The following ASCC3 variants were observed in gnomAD, a reference collection of about 807,000 sequenced individuals.
ASCC3 encodes the protein activating signal cointegrator 1 complex subunit 3, also known as ASC-1 complex subunit P200.
In ASCC3, 158 loss-of-function variants were observed where a neutral mutation model predicts 256.3. The observed-to-expected ratio is 0.62, with a 90% CI of 0.54 to 0.70. ASCC3 has a LOEUF of 0.70. Ranked by LOEUF, ASCC3 falls within the 30% of genes least tolerant of loss-of-function variation. ASCC3 has a pLI of 0.00. For synonymous variants in ASCC3, 948 were observed against 883.4 expected, an observed-to-expected ratio of 1.07 and a Z score of -1.30; for missense variants, 2,259 against 2,626.0, an observed-to-expected ratio of 0.86 and a Z score of 3.05.
chr6:100,877,278 A>C (rs1243455128), intron 1 of ASCC3, among the ~76,000 whole-genome samples: 4 of 152,184 alleles, frequency 2.6e-5, no homozygotes, highest in African/African-American at 9.6e-5. Flanking sequence ...CTGCAGATTA[A>C]GGGATAAAAA....
chr6:100,532,112 A>G (rs1415923554), intron 37 of ASCC3, among the ~76,000 whole-genome samples: 1 of 151,616 alleles, frequency 6.6e-6, no homozygotes, highest in East Asian at 1.9e-4. Context: ...TTTATAATAT[A>G]GGTACTGCTC....
rs201325406 is a variant in ASCC3, at chr6:100,864,032, T to TAA, written c.241+30_241+31dup. 4.3e-3 allele frequency: 5,063 copies of TAA among 1,186,862 alleles called. 1 individual carries two copies. The highest frequency in any genetic ancestry group is 0.018 in the East Asian group (656 of 36,446). The allele number at this position is 1,186,862 out of a possible 1,614,324, so 73.5% of individuals were successfully genotyped here. A position where few individuals can be genotyped will look rare whatever the true frequency, so the allele number is the denominator to read the frequency against. Reference sequence around the variant, plus strand: ...GTTTTTGAACCTTACTGGTTCTCTTTAAAAAAAAAAAAGAAAAAAAGAAAA... The same window carrying TAA: ...GTTTTTGAACCTTACTGGTTCTCTTTAAAAAAAAAAAAAAGAAAAAAAGAAAA... On this transcript the variant is annotated intron_variant, in intron 3 of 41. Coordinates refer to ENST00000369162, the MANE Select transcript of ASCC3 (RefSeq NM_006828.4).
intron 20 of ASCC3, among the ~76,000 whole-genome samples, chr6:100,647,723 G>GAA (rs1298196429): frequency 6.6e-6 from 1 of 152,140 alleles, no homozygotes; most frequent in African/African-American, 2.4e-5. Context: ...AAACAGGAAT[G>GAA]AAGTAGGAAG....
intron 8 of ASCC3, among the ~76,000 whole-genome samples, chr6:100,796,454 G>A (rs1409113423): frequency 6.6e-6 from 1 of 152,164 alleles, no homozygotes; most frequent in Non-Finnish European, 1.5e-5. Flanking sequence ...TTTGTATGCT[G>A]AAGCCCTTAC....
At chr6:100,852,632 T>A (rs557652538) in intron 3 of ASCC3, among the ~76,000 whole-genome samples, 2 of 152,318 alleles carry the variant, frequency 1.3e-5, no homozygotes, top group African/African-American at 4.8e-5. Context: ...CAAAGAGGAA[T>A]CAGGATTTTA....
At chr6:100,622,822 A>G (rs1356568368) in intron 30 of ASCC3, among the ~76,000 whole-genome samples, 1 of 152,062 alleles carries the variant, frequency 6.6e-6, no homozygotes, top group Non-Finnish European at 1.5e-5. Flanking sequence ...TAAAAAAAAT[A>G]TGAAACAGAG....
chr6:100,871,922 C>G (rs76642665), intron 1 of ASCC3, among the ~76,000 whole-genome samples: 2,932 of 152,276 alleles, frequency 0.019, 150 homozygotes, highest in East Asian at 0.16. Context: ...TGTATGTACA[C>G]TGTACATGTC....
intron 8 of ASCC3, among the ~76,000 whole-genome samples, chr6:100,785,237 G>C (rs1477363904): frequency 1.3e-5 from 2 of 152,100 alleles, no homozygotes; most frequent in African/African-American, 4.8e-5. Context: ...TAGATTTTGT[G>C]AAAATCAAGT....
At chr6:100,715,181 A>G (rs1582744761) in intron 13 of ASCC3, 1 of 257,138 alleles carries the variant, frequency 3.9e-6, no homozygotes, top group East Asian at 7.9e-5. Flanking sequence ...ATTACATTTC[A>G]ATTGATATTG....
intron 10 of ASCC3, among the ~76,000 whole-genome samples, chr6:100,734,372 A>T (rs757730509): frequency 6.6e-6 from 1 of 152,184 alleles, no homozygotes; most frequent in Non-Finnish European, 1.5e-5. Context: ...TCACAAGCAC[A>T]AAACCTGAAG....
At chr6:100,624,046 A>T (rs974795448) in intron 30 of ASCC3, among the ~76,000 whole-genome samples, 2 of 151,868 alleles carry the variant, frequency 1.3e-5, no homozygotes, top group Non-Finnish European at 1.5e-5. Context: ...CAGCACACCA[A>T]CATGGCACAT....
At chr6:100,841,149 T>C (rs1239899734) in intron 4 of ASCC3, among the ~76,000 whole-genome samples, 7 of 152,134 alleles carry the variant, frequency 4.6e-5, no homozygotes, top group Non-Finnish European at 1.5e-5. Flanking sequence ...CAGAGAATAT[T>C]AGCTTAAAAC....
chr6:100,529,918 C>G (rs755752822), intron 37 of ASCC3, among the ~76,000 whole-genome samples: 2 of 151,870 alleles, frequency 1.3e-5, no homozygotes, highest in African/African-American at 2.4e-5. Context: ...ACGAAGAAAG[C>G]CCTCAATAAA....
chr6:100,687,768 G>T (rs1040029828), intron 13 of ASCC3, among the ~76,000 whole-genome samples: 3 of 151,984 alleles, frequency 2.0e-5, no homozygotes, highest in African/African-American at 7.2e-5. Flanking sequence ...TAGTTTACCT[G>T]GAAATGCTTT....
At chr6:100,631,339 G>A in intron 25 of ASCC3, 126 bp from the exon 26 acceptor site, 1 of 687,962 alleles carries the variant, frequency 1.5e-6, no homozygotes, top group Non-Finnish European at 2.5e-6. Flanking sequence ...TTTTAATTCT[G>A]AATACTCAAA....
Position 100,715,395 on chromosome 6 carries a change from A to T in ASCC3, c.2151+67T>A. ...TCTTCTGAAGAGCGTAAATATTAAT[A>T]ATTTTTATCATTAAGCACTCTCTAA... On this transcript the variant is annotated intron_variant, in intron 13 of 41. Transcript: ENST00000369162. The T allele has an allele frequency of 2.2e-6, 3 of 1,382,056 alleles. No individual in the cohort carries two copies. The South Asian group carries it at 3.7e-5, about 17-fold the overall frequency. The allele number at this position is 1,382,056 out of a possible 1,614,324, so 85.6% of individuals were successfully genotyped here.
chr6:100,759,034 T>C (rs925380324), intron 10 of ASCC3, among the ~76,000 whole-genome samples: 3 of 152,234 alleles, frequency 2.0e-5, no homozygotes, highest in African/African-American at 7.2e-5. Flanking sequence ...TCCACATAAA[T>C]GTCTTCTTTT....
At chr6:100,570,490 C>T (rs1770529866) in intron 36 of ASCC3, among the ~76,000 whole-genome samples, 1 of 152,102 alleles carries the variant, frequency 6.6e-6, no homozygotes, top group South Asian at 2.1e-4. Flanking sequence ...TACTTTTTTC[C>T]ACCTGGTTTC....
chr6:100,736,081 G>A (rs1582782871), intron 10 of ASCC3, among the ~76,000 whole-genome samples: 1 of 152,144 alleles, frequency 6.6e-6, no homozygotes, highest in East Asian at 1.9e-4. Flanking sequence ...CTGACACATG[G>A]AACATACTCC....
Sources: gnomAD v4.1 joint callset for allele counts (sites outside exome capture counted in the v4.1 genomes callset) on GRCh38, gnomAD v4.1.1 for gene constraint, MANE v1.5 for transcripts, NCBI Gene and HGNC (gene_info 2026-07-23, HGNC 2026-07-21) for gene names.